The following NSD3 variants were observed in gnomAD, a reference collection of about 807,000 sequenced individuals.
NSD3 encodes histone-lysine N-methyltransferase NSD3.
A neutral mutation model predicts 160.8 loss-of-function variants in NSD3; 24 were observed. The ratio of observed to expected loss-of-function variants is 0.15; its 90% CI spans 0.11 to 0.21. The LOEUF is 0.21. Ranked by LOEUF, NSD3 falls within the 10% of genes least tolerant of loss-of-function variation. NSD3 has a pLI of 1.00. For missense variants in NSD3, 1,157 were observed against 1,735.9 expected, an observed-to-expected ratio of 0.67 and a Z score of 5.93; for synonymous variants, 520 against 600.0, an observed-to-expected ratio of 0.87 and a Z score of 1.95.
rs1287716354 is a variant in NSD3, at chr8:38,272,742, C to T, written c.*2899G>A. On this transcript the variant is annotated 3_prime_UTR_variant, in exon 24 of 24. Coordinates refer to ENST00000317025, the MANE Select transcript of NSD3 (RefSeq NM_023034.2). Reference sequence around the variant, plus strand: ...CAAGAATAAAAACCAGCCACTTACACTCTGACCACATATAGATTTAAAAGT... The same window carrying T: ...CAAGAATAAAAACCAGCCACTTACATTCTGACCACATATAGATTTAAAAGT... The T allele has an allele frequency of 6.6e-6, 1 of 152,224 alleles. No individual in the cohort carries two copies. The highest frequency in any genetic ancestry group is 2.4e-5 in the African/African-American group (1 of 41,454). 9.4% of individuals were successfully genotyped at this position (152,224 alleles called of 1,614,324 possible).
At chr8:38,352,841 AT>A (rs1303607657) in intron 1 of NSD3, among the ~76,000 whole-genome samples, 1 of 152,252 alleles carries the variant, frequency 6.6e-6, no homozygotes, top group East Asian at 1.9e-4. Flanking sequence ...CCTGATGTCC[AT>A]GATTTTTACT....
At chr8:38,380,460 G>A (rs1005604622) in intron 1 of NSD3, 2 of 152,196 alleles carry the variant, frequency 1.3e-5, no homozygotes, top group African/African-American at 4.8e-5. Flanking sequence ...GACTGCTTCT[G>A]AGGCTTCCGA....
Position 38,275,703 on chromosome 8 carries a change from A to G in NSD3, c.4252T>C (p.Tyr1418His). 6 of 1,614,198 alleles carry G rather than the reference A, an allele frequency of 3.7e-6. No individual in the cohort carries two copies. Among genetic ancestry groups the G allele is most frequent in the Non-Finnish European group, 5.1e-6 (6 of 1,180,028 alleles). ...CATTTACATTTTATCTTGCTCCAGTATTCTGGTGACACAGGAGCCATGGGG... is the reference window on the plus strand; with the variant it reads ...CATTTACATTTTATCTTGCTCCAGTGTTCTGGTGACACAGGAGCCATGGGG... Reference protein sequence around the residue: ...HDPMAPVSPEYWSKIKCKWES... With the variant: ...HDPMAPVSPEHWSKIKCKWES... The change falls in exon 24 of 24, where the codon TAC (tyrosine) becomes CAC (histidine). Residue 1418 changes from tyrosine (Y) to histidine (H), a missense_variant. Around this residue, in one of 10 missense-constraint regions of NSD3, gnomAD observed 222 missense variants for 409.9 expected, o/e 0.54. Coordinates refer to ENST00000317025, the MANE Select transcript of NSD3 (RefSeq NM_023034.2).
intron 14 of NSD3, among the ~76,000 whole-genome samples, chr8:38,302,062 A>T (rs1290961588): frequency 6.6e-6 from 1 of 152,268 alleles, no homozygotes; most frequent in African/African-American, 2.4e-5. Flanking sequence ...AAGAGGAGTG[A>T]TGTCAAACCC....
chr8:38,326,831 C>A lies in NSD3; in HGVS notation c.1607G>T (p.Ser536Ile). Residue 536 changes from serine (S) to isoleucine (I), a missense_variant, in exon 7 of 24, where the codon AGT becomes ATT. By Grantham distance (142) the Ser-to-Ile change is moderately radical. This residue lies in a region of NSD3 where 102 missense variants were observed against 126.5 expected (regional missense o/e 0.81). Transcript: ENST00000317025. ...TKGIGNKTEI[S>I]VRGQDRLIIS... Reference sequence around the variant, plus strand: ...TATAAGCCTGTCTTGCCCCCTGACACTTATTTCTGTTTTGTTACCAATTCC... The same window carrying A: ...TATAAGCCTGTCTTGCCCCCTGACAATTATTTCTGTTTTGTTACCAATTCC... 1.2e-6 allele frequency: 2 copies of A among 1,613,772 alleles called. No homozygotes were observed. Among genetic ancestry groups the A allele is most frequent in the Non-Finnish European group, 1.7e-6 (2 of 1,179,886 alleles).
rs188304594 is a variant in NSD3, at chr8:38,300,056, T to C, written c.2612-466A>G. Among the ~76,000 whole-genome samples, 578 of 152,158 alleles carry C rather than the reference T, an allele frequency of 3.8e-3. 5 individuals carry two copies. Among genetic ancestry groups the C allele is most frequent in the East Asian group, 7.9e-3 (41 of 5,182 alleles). ...TTTAATGCAGAATGGAAGTCTCTCC[T>C]TTTTTCTATTCATATCTTCAGACAT... is the stretch of plus-strand genomic sequence containing the variant. On this transcript the variant is annotated intron_variant, in intron 14 of 23. Coordinates refer to ENST00000317025, the MANE Select transcript of NSD3 (RefSeq NM_023034.2).
chr8:38,305,136 T>A lies in NSD3; in HGVS notation c.2440+112A>T. 3 of 1,080,280 alleles carry A rather than the reference T, an allele frequency of 2.8e-6. No homozygotes were observed. The South Asian group carries it at 4.8e-5, about 17-fold the overall frequency. 66.9% of individuals were successfully genotyped at this position (1,080,280 alleles called of 1,614,324 possible). A position where few individuals can be genotyped will look rare whatever the true frequency, so the allele number is the denominator to read the frequency against. On this transcript the variant is annotated intron_variant, in intron 13 of 23. Transcript: ENST00000317025. ...TGTACTGTGGCTGAACTGTTAAAGC[T>A]AGAGATACACAGAAGAAGAATGCCT...
intron 19 of NSD3, among the ~76,000 whole-genome samples, chr8:38,286,662 T>C (rs1808865453): frequency 6.6e-6 from 1 of 152,218 alleles, no homozygotes; most frequent in South Asian, 2.1e-4. Flanking sequence ...CCCCATCCCA[T>C]GGCAGATATG....
intron 2 of NSD3, among the ~76,000 whole-genome samples, chr8:38,342,368 A>G (rs1810395604): frequency 6.6e-6 from 1 of 152,164 alleles, no homozygotes; most frequent in African/African-American, 2.4e-5. Flanking sequence ...TTTGTCAGAA[A>G]GAGAAAACAT....
At chr8:38,340,015 C>A (rs934726270) in intron 2 of NSD3, among the ~76,000 whole-genome samples, 3 of 151,744 alleles carry the variant, frequency 2.0e-5, no homozygotes, top group African/African-American at 7.3e-5. Context: ...AAAATTGATA[C>A]CAGTAATTAT....
chr8:38,321,289 T>A lies in NSD3; in HGVS notation c.1709-117A>T. On this transcript the variant is annotated intron_variant, in intron 7 of 23. Transcript: ENST00000317025. The surrounding 1 kb of genome is among the most constrained non-coding windows in gnomAD (Gnocchi z 4.7). ...TTACCCATTACTTTTGGAATTTTAA[T>A]TAAAATCATTAAAAAATGCTAAACA... The A allele has an allele frequency of 1.4e-6, 1 of 700,072 alleles. No individual in the cohort carries two copies. Among genetic ancestry groups the A allele is most frequent in the Non-Finnish European group, 2.3e-6 (1 of 438,806 alleles). The allele number at this position is 700,072 out of a possible 1,614,324, so 43.4% of individuals were successfully genotyped here.
At chr8:38,315,345 A>C in intron 11 of NSD3, 71 bp downstream of exon 11, 1 of 1,440,670 alleles carries the variant, frequency 6.9e-7, no homozygotes, top group South Asian at 1.5e-5. Flanking sequence ...CCTCTTCAAC[A>C]GGAGTTAAGT....
intron 18 of NSD3, 104 bp downstream of exon 18, chr8:38,289,289 G>GTAAT: frequency 9.5e-7 from 1 of 1,057,724 alleles, no homozygotes; most frequent in African/African-American, 1.6e-5. Flanking sequence ...CTACTAAAGA[G>GTAAT]TAATGCATTT....
chr8:38,372,054 C>T (rs1179981771), intron 1 of NSD3, among the ~76,000 whole-genome samples: 1 of 152,228 alleles, frequency 6.6e-6, no homozygotes, highest in Non-Finnish European at 1.5e-5. Flanking sequence ...AGATTGTCAT[C>T]ACTGATTACT....
rs767903707 is a variant in NSD3 at position 38,315,458 on chromosome 8, C to T, written c.2073G>A (p.Ser691=). 1.5e-5 allele frequency: 24 copies of T among 1,605,058 alleles called. No individual in the cohort carries two copies. Among genetic ancestry groups the T allele is most frequent in the Middle Eastern group, 1.7e-4 (1 of 6,012 alleles). The change falls in exon 11 of 24, where the codon TCG becomes TCA. Residue 691 remains serine, a synonymous_variant. Coordinates refer to ENST00000317025, the MANE Select transcript of NSD3 (RefSeq NM_023034.2). Reference sequence around the variant, plus strand: ...TCTTACTCATTCCAGTGCCTCTTCTCGACAAACTTGAATCCATGGACTGCA... The same window carrying T: ...TCTTACTCATTCCAGTGCCTCTTCTTGACAAACTTGAATCCATGGACTGCA... ...SDVQSMDSSL[S]RRGTGMSKKD...
At chr8:38,341,757 G>A (rs1215616732) in intron 2 of NSD3, among the ~76,000 whole-genome samples, 1 of 151,812 alleles carries the variant, frequency 6.6e-6, no homozygotes, top group Non-Finnish European at 1.5e-5. Flanking sequence ...CTGAAGAACA[G>A]CTTGGGCAAC....
chr8:38,275,930 G>A (rs1158322076), intron 23 of NSD3, 48 bp from the exon 24 acceptor site: 3 of 1,542,454 alleles, frequency 1.9e-6, no homozygotes, highest in Admixed American at 1.9e-5. Context: ...CCAAGTTAGT[G>A]CCTGTCTTGA....
Position 38,317,667 on chromosome 8 carries a change from C to G in NSD3, c.1855+1228G>C. 1.6e-6 allele frequency: 2 copies of G among 1,215,752 alleles called. No individual in the cohort carries two copies. The highest frequency in any genetic ancestry group is 2.1e-6 in the Non-Finnish European group (2 of 971,830). 75.3% of individuals were successfully genotyped at this position (1,215,752 alleles called of 1,614,324 possible). A position where few individuals can be genotyped will look rare whatever the true frequency, so the allele number is the denominator to read the frequency against. On this transcript the variant is annotated intron_variant, in intron 9 of 23. Coordinates refer to ENST00000317025, the MANE Select transcript of NSD3 (RefSeq NM_023034.2). This position sits in a 1 kb window ranked among gnomAD's most constrained non-coding sequence, Gnocchi z 5.3. ...GATGCTTTATTTAAAAACAAAAAACCAAAAACAGTCCATGTTGAAATTGAT... is the reference window on the plus strand; with the variant it reads ...GATGCTTTATTTAAAAACAAAAAACGAAAAACAGTCCATGTTGAAATTGAT...
chr8:38,350,489 G>A (rs1198746881), intron 1 of NSD3, among the ~76,000 whole-genome samples: 1 of 152,184 alleles, frequency 6.6e-6, no homozygotes, highest in Non-Finnish European at 1.5e-5. Context: ...GTCTTCTTTT[G>A]AGACGTATCT....
Sources: allele counts gnomAD v4.1 joint callset (sites outside exome capture counted in the v4.1 genomes callset), GRCh38; gene constraint gnomAD v4.1.1; regional missense constraint gnomAD v4.1.1; non-coding constraint Gnocchi (gnomAD v3.1); transcripts MANE v1.5; gene names NCBI Gene and HGNC (gene_info 2026-07-23, HGNC 2026-07-21).